LRP1B: variants seen among roughly 807,000 people sequenced by gnomAD.
The protein encoded by LRP1B is LDL receptor related protein 1B.
LRP1B carries 217 observed loss-of-function variants against 556.6 expected under a neutral mutation model. The observed-to-expected ratio is 0.39, with a 90% confidence interval of 0.35 to 0.44. The LOEUF (loss-of-function observed/expected upper bound fraction) is 0.44, where lower values mean the gene tolerates loss of function less well. Among genes scored for constraint, LRP1B ranks in the 20% least tolerant of loss-of-function variants. The pLI is 1.00. For synonymous variants in LRP1B, 2,047 were observed against 1,865.8 expected, an observed-to-expected ratio of 1.10 and a Z score of -2.50; for missense variants, 5,053 against 5,620.8, an observed-to-expected ratio of 0.90 and a Z score of 3.23.
chr2:140,369,678 A>AC (rs1682908910), intron 71 of LRP1B, among the ~76,000 whole-genome samples: 1 of 151,490 alleles, frequency 6.6e-6, no homozygotes, highest in African/African-American at 2.4e-5. Flanking sequence ...AAAAAAAACT[A>AC]TTTTTTTCTG....
At chr2:141,751,664 C>G (rs1694118850) in intron 2 of LRP1B, among the ~76,000 whole-genome samples, 1 of 151,942 alleles carries the variant, frequency 6.6e-6, no homozygotes, top group Non-Finnish European at 1.5e-5. Context: ...TGGTCAATTA[C>G]TCCTGAACAG....
intron 1 of LRP1B, among the ~76,000 whole-genome samples, chr2:142,058,470 G>A (rs1704760863): frequency 6.6e-6 from 1 of 152,102 alleles, no homozygotes; most frequent in Non-Finnish European, 1.5e-5. Context: ...ATGACCCAAG[G>A]GCTGCATGTG....
chr2:141,593,251 T>C (rs1205654640), intron 2 of LRP1B, among the ~76,000 whole-genome samples: 2 of 152,166 alleles, frequency 1.3e-5, no homozygotes, highest in African/African-American at 4.8e-5. Context: ...CCATGAAAGA[T>C]AAACAGCTTC....
chr2:141,704,273 T>C (rs944076123), intron 2 of LRP1B, among the ~76,000 whole-genome samples: 7 of 151,980 alleles, frequency 4.6e-5, no homozygotes, highest in African/African-American at 1.7e-4. Flanking sequence ...TTACTAACCT[T>C]TTTCTTATTC....
At chr2:140,379,463 G>C (rs1159062472) in intron 67 of LRP1B, among the ~76,000 whole-genome samples, 1 of 152,144 alleles carries the variant, frequency 6.6e-6, no homozygotes, top group South Asian at 2.1e-4. Context: ...GGGAGGCCGA[G>C]GCGGGCAGAT....
chr2:141,986,127 T>A (rs1702180976), intron 1 of LRP1B, among the ~76,000 whole-genome samples: 1 of 151,920 alleles, frequency 6.6e-6, no homozygotes, highest in Admixed American at 6.6e-5. Context: ...CCTAAATTCT[T>A]ATTATGTTTT....
At chr2:140,286,537 A>G (rs549100752) in intron 84 of LRP1B, among the ~76,000 whole-genome samples, 92 of 151,948 alleles carry the variant, frequency 6.1e-4, no homozygotes, top group African/African-American at 2.2e-3. Context: ...TCCCAGAAAT[A>G]TGGCATGCCA....
chr2:142,076,536 G>C (rs1312903610), intron 1 of LRP1B, among the ~76,000 whole-genome samples: 2 of 152,040 alleles, frequency 1.3e-5, no homozygotes, highest in East Asian at 1.9e-4. Flanking sequence ...TGTTTCATGG[G>C]TCGTTCAAGT....
intron 31 of LRP1B, among the ~76,000 whole-genome samples, chr2:140,826,404 C>T (rs1691509603): frequency 6.6e-6 from 1 of 152,016 alleles, no homozygotes; most frequent in Non-Finnish European, 1.5e-5. Context: ...TAAATTGCCC[C>T]AGTTGAAGAG....
At chr2:141,847,652 A>G (rs1697698472) in intron 1 of LRP1B, among the ~76,000 whole-genome samples, 1 of 151,626 alleles carries the variant, frequency 6.6e-6, no homozygotes, top group Non-Finnish European at 1.5e-5. Flanking sequence ...ATATAAGGCA[A>G]CTTGATGTAG....
intron 3 of LRP1B, among the ~76,000 whole-genome samples, chr2:141,292,636 T>G (rs1431807135): frequency 6.6e-6 from 1 of 152,190 alleles, no homozygotes; most frequent in Non-Finnish European, 1.5e-5. Context: ...GCACTTTCCC[T>G]CTGTAGTATT....
At chr2:141,238,047 G>T (rs1260057029) in intron 5 of LRP1B, among the ~76,000 whole-genome samples, 1 of 152,054 alleles carries the variant, frequency 6.6e-6, no homozygotes, top group African/African-American at 2.4e-5. Context: ...CAGAAAAAAT[G>T]AAAGATATGT....
intron 7 of LRP1B, among the ~76,000 whole-genome samples, chr2:141,174,321 C>T (rs942958055): frequency 1.3e-5 from 2 of 152,034 alleles, no homozygotes; most frequent in African/African-American, 4.8e-5. Flanking sequence ...TTATTCCACT[C>T]TTTGGACAGC....
intron 2 of LRP1B, among the ~76,000 whole-genome samples, chr2:141,585,044 A>G (rs921370503): frequency 1.3e-5 from 2 of 152,190 alleles, no homozygotes; most frequent in African/African-American, 4.8e-5. Flanking sequence ...GGTAAATTTT[A>G]TGTCATGTGT....
chr2:141,045,272 G>T (rs1241376860), intron 11 of LRP1B, among the ~76,000 whole-genome samples: 7 of 112,766 alleles, frequency 6.2e-5, no homozygotes, highest in Non-Finnish European at 1.2e-4. Flanking sequence ...GACTGTTGTG[G>T]GGTGGGGGGA....
Position 141,252,739 on chromosome 2 carries a change from A to G in LRP1B, c.463+1783T>C, listed in dbSNP as rs543791328. ...GGTGGAACTCCACAACATTGACTAC[A>G]AAGGAATAGGCATACCATCACTTGC... On this transcript the variant is annotated intron_variant, in intron 4 of 90. Coordinates refer to ENST00000389484, the MANE Select transcript of LRP1B (RefSeq NM_018557.3). Among the ~76,000 whole-genome samples the G allele has an allele frequency of 2.0e-5, 3 of 152,254 alleles. No individual in the cohort carries two copies. In the East Asian group the frequency reaches 5.8e-4, roughly 29 times the overall value.
intron 31 of LRP1B, among the ~76,000 whole-genome samples, chr2:140,828,039 G>A (rs561117328): frequency 1.8e-4 from 28 of 152,062 alleles, no homozygotes; most frequent in African/African-American, 6.7e-4. Context: ...AAACATGAAA[G>A]AGAAATACAG....
intron 1 of LRP1B, among the ~76,000 whole-genome samples, chr2:141,885,002 C>A (rs1699065675): frequency 6.6e-6 from 1 of 152,100 alleles, no homozygotes. Context: ...TGGTAGATAT[C>A]TCATTATCAA....
chr2:140,774,519 G>A (rs1157462643), intron 33 of LRP1B, among the ~76,000 whole-genome samples: 5 of 152,170 alleles, frequency 3.3e-5, no homozygotes, highest in African/African-American at 1.2e-4. Context: ...GGAAAAGTGG[G>A]TAAATATTTT....
Sources: allele counts gnomAD v4.1 joint callset (sites outside exome capture counted in the v4.1 genomes callset), GRCh38; gene constraint gnomAD v4.1.1; transcripts MANE v1.5; gene names NCBI Gene and HGNC (gene_info 2026-07-23, HGNC 2026-07-21).